PDGFA: variants seen among roughly 807,000 people sequenced by gnomAD.
The protein encoded by PDGFA is platelet-derived growth factor subunit A.
PDGFA carries 9 observed loss-of-function variants against 25.6 expected under a neutral mutation model. The observed-to-expected ratio is 0.35, with a 90% confidence interval of 0.21 to 0.61. The LOEUF (loss-of-function observed/expected upper bound fraction) is 0.61. Ranked by LOEUF, PDGFA falls within the 20% of genes least tolerant of loss-of-function variation. The pLI is 0.75. For missense variants in PDGFA, 242 were observed against 272.8 expected, an observed-to-expected ratio of 0.89 and a Z score of 0.79; for synonymous variants, 133 against 111.8, an observed-to-expected ratio of 1.19 and a Z score of -1.20.
At position 499,144 on chromosome 7, in the gene PDGFA, T is replaced by C. The variant is rs371871416; in HGVS notation, c.581-570A>G. Among the ~76,000 whole-genome samples, 4 of 152,360 alleles carry C rather than the reference T, an allele frequency of 2.6e-5. No homozygotes were observed. In the East Asian group the frequency reaches 5.8e-4, roughly 22 times the overall value. ...CAACAGGAGTGCCAGCCTCTCACCATGGGGTCTGTCACCAGCAGGCCCATG... is the reference window on the plus strand; with the variant it reads ...CAACAGGAGTGCCAGCCTCTCACCACGGGGTCTGTCACCAGCAGGCCCATG... On this transcript the variant is annotated intron_variant, in intron 5 of 5. Transcript: ENST00000402802.
Position 500,553 on chromosome 7 carries a change from A to G in PDGFA, c.580+563T>C, listed in dbSNP as rs1225785710. On this transcript the variant is annotated intron_variant, in intron 5 of 5. Transcript: ENST00000402802. This position sits in a 1 kb window ranked among gnomAD's most constrained non-coding sequence, Gnocchi z 5.0. ...GGGCCGAGGGACGGCCGTCGGGGTG[A>G]AGAACTGAAGCAACAAATACCTACG... 1 of 1,612,554 alleles carries G rather than the reference A, an allele frequency of 6.2e-7. No homozygotes were observed. Among genetic ancestry groups the G allele is most frequent in the Non-Finnish European group, 8.5e-7 (1 of 1,179,774 alleles).
rs1040480207 is a variant in PDGFA, at chr7:501,315, G to A, written c.454-73C>T. ...GGACATCACGACGTGCTGGGAGCCG[G>A]GGACAGGCTGAGAGGGAGGAGAGAG... is the stretch of plus-strand genomic sequence containing the variant. On this transcript the variant is annotated intron_variant, in intron 4 of 5. Coordinates refer to ENST00000402802, the Ensembl canonical transcript of PDGFA. 1.9e-6 allele frequency: 3 copies of A among 1,592,346 alleles called. No individual in the cohort carries two copies. The African/African-American group carries it at 4.0e-5, about 21-fold the overall frequency.
rs373813085 is a variant in PDGFA, at chr7:507,811, G to A, written c.453+2998C>T. ...GGGGATGGTGCTGGGCTCATGCCAG[G>A]GGGGCTCATGCCAGGGGGACCCAGC... On this transcript the variant is annotated intron_variant, in intron 4 of 5. Transcript: ENST00000402802. Among the ~76,000 whole-genome samples, 6 of 152,018 alleles carry A rather than the reference G, an allele frequency of 3.9e-5. No homozygotes were observed. The South Asian group carries it at 1.3e-3, about 32-fold the overall frequency.
In PDGFA at chr7:517,404, T is replaced by C. The variant is rs1441998088; in HGVS notation, c.150A>G (p.Ile50Met). Residue 50 changes from isoleucine to methionine, a missense_variant, in exon 2 of 6, where the codon ATA becomes ATG. Physicochemically the swap from Ile to Met is conservative, Grantham distance 10. This residue lies in a region of PDGFA where 113 missense variants were observed against 98.3 expected (regional missense o/e 1.15). Transcript: ENST00000402802. This position sits in a 1 kb window ranked among gnomAD's most constrained non-coding sequence, Gnocchi z 7.4. ...AGGGGCGCGATTTACCTACGGAGTC[T>C]ATCTCCAGGAGTCGCTGGAGGTCCC... 2.9e-6 allele frequency: 4 copies of C among 1,374,252 alleles called. No homozygotes were observed. In the African/African-American group the frequency reaches 4.6e-5, roughly 16 times the overall value. 85.1% of individuals were successfully genotyped at this position (1,374,252 alleles called of 1,614,324 possible). A position where few individuals can be genotyped will look rare whatever the true frequency, so the allele number is the denominator to read the frequency against.
intron 4 of PDGFA, among the ~76,000 whole-genome samples, chr7:504,965 G>A (rs937290700): frequency 3.3e-5 from 5 of 152,228 alleles, no homozygotes; most frequent in Non-Finnish European, 5.9e-5. Context: ...TGGCACGGCC[G>A]CTCGTCTGGG....
chr7:516,611 C>T (rs1191231376), intron 2 of PDGFA, among the ~76,000 whole-genome samples: 4 of 152,232 alleles, frequency 2.6e-5, no homozygotes, highest in African/African-American at 7.2e-5. Context: ...TAGGAAGGGG[C>T]TCTCTAGCCC....
chr7:499,308 T>C (rs970440073), intron 5 of PDGFA, among the ~76,000 whole-genome samples: 25 of 152,156 alleles, frequency 1.6e-4, no homozygotes, highest in African/African-American at 6.0e-4. Context: ...AAGTGGACAA[T>C]TTCCTCCCAA....
intron 4 of PDGFA, among the ~76,000 whole-genome samples, chr7:504,318 C>G (rs1213615952): frequency 6.6e-6 from 1 of 152,062 alleles, no homozygotes; most frequent in African/African-American, 2.4e-5. Context: ...CGAGGATGAA[C>G]TGCAGCAAAG....
At chr7:511,428 G>C (rs1206190303) in intron 3 of PDGFA, among the ~76,000 whole-genome samples, 2 of 151,930 alleles carry the variant, frequency 1.3e-5, no homozygotes, top group African/African-American at 2.4e-5. Flanking sequence ...GTGGCTGGGG[G>C]AGGAGGGGGC....
chr7:504,707 C>A (rs1345826720), intron 4 of PDGFA, among the ~76,000 whole-genome samples: 1 of 152,254 alleles, frequency 6.6e-6, no homozygotes, highest in Non-Finnish European at 1.5e-5. Flanking sequence ...CCCTGTTCTG[C>A]TCCCGGCCCT....
intron 2 of PDGFA, chr7:512,761 TCTCCCCTACGGTGC>T: frequency 1.0e-6 from 1 of 986,280 alleles, no homozygotes; most frequent in Non-Finnish European, 1.4e-6. Context: ...TTGCAGGTGG[TCTCCCCTACGGTGC>T]CTCCTCCAAG....
chr7:508,590 T>TAAAAGC (rs1275774675), intron 4 of PDGFA, among the ~76,000 whole-genome samples: 1 of 130,898 alleles, frequency 7.6e-6, no homozygotes, highest in African/African-American at 2.9e-5. Flanking sequence ...AAAAAAAAAT[T>TAAAAGC]CTCAGCTGAG....
At chr7:499,674 T>C (rs1401783234) in intron 5 of PDGFA, among the ~76,000 whole-genome samples, 1 of 125,192 alleles carries the variant, frequency 8.0e-6, no homozygotes, top group East Asian at 2.3e-4. Context: ...CAAAAGTCAC[T>C]GGGTGGGATT....
intron 3 of PDGFA, among the ~76,000 whole-genome samples, chr7:511,693 T>C (rs1187619422): frequency 6.6e-6 from 1 of 151,932 alleles, no homozygotes; most frequent in Non-Finnish European, 1.5e-5. Context: ...CTCAAACCCA[T>C]CAGGTGGGAC....
chr7:504,274 C>A (rs531678437), intron 4 of PDGFA, among the ~76,000 whole-genome samples: 21 of 152,108 alleles, frequency 1.4e-4, no homozygotes, highest in Admixed American at 1.1e-3. Context: ...GAGCCACCCT[C>A]CTGTTGAGGG....
Position 512,271 on chromosome 7 carries a change from G to A in PDGFA, c.265+80C>T, listed in dbSNP as rs571032041. The A allele has an allele frequency of 1.1e-4, 113 of 1,014,842 alleles. 1 individual carries two copies. The highest frequency in any genetic ancestry group is 6.2e-4 in the South Asian group (42 of 67,880). 62.9% of individuals were successfully genotyped at this position (1,014,842 alleles called of 1,614,324 possible). On this transcript the variant is annotated intron_variant, in intron 3 of 5. Transcript: ENST00000402802. Reference sequence around the variant, plus strand: ...GAGAGCGGGCAGCTCCTCCCCACCCGGCCCTGCCCTGCCCATCGCGGCCTC... The same window carrying A: ...GAGAGCGGGCAGCTCCTCCCCACCCAGCCCTGCCCTGCCCATCGCGGCCTC...
At chr7:505,112 C>A (rs566933771) in intron 4 of PDGFA, among the ~76,000 whole-genome samples, 55 of 152,354 alleles carry the variant, frequency 3.6e-4, no homozygotes, top group African/African-American at 1.3e-3. Flanking sequence ...ACATTTTTCT[C>A]CCAAGAACAC....
Position 517,760 on chromosome 7 carries a change from C to A in PDGFA, c.64-270G>T, listed in dbSNP as rs1240728557. On this transcript the variant is annotated intron_variant, in intron 1 of 5. Transcript: ENST00000402802. The surrounding 1 kb of genome is among the most constrained non-coding windows in gnomAD (Gnocchi z 7.4). ...CCCCCTTTATATTTTCAGACAAAAG[C>A]CCCCGCACTCCGGCCCCTCCACCCG... Among the ~76,000 whole-genome samples, 2 of 149,362 alleles carry A rather than the reference C, an allele frequency of 1.3e-5. No homozygotes were observed. The highest frequency in any genetic ancestry group is 2.5e-5 in the African/African-American group (1 of 39,886).
intron 4 of PDGFA, among the ~76,000 whole-genome samples, chr7:504,518 T>G (rs1645800796): frequency 6.6e-6 from 1 of 152,092 alleles, no homozygotes; most frequent in African/African-American, 2.4e-5. Context: ...CTGGAGGCCC[T>G]GGACACAGGT....
Sources: allele counts gnomAD v4.1 joint callset (sites outside exome capture counted in the v4.1 genomes callset), GRCh38; gene constraint gnomAD v4.1.1; regional missense constraint gnomAD v4.1.1; non-coding constraint Gnocchi (gnomAD v3.1); transcripts MANE v1.5; gene names NCBI Gene and HGNC (gene_info 2026-07-23, HGNC 2026-07-21).